Variants in PNPLA8 observed in about 807,000 individuals in gnomAD.
PNPLA8 encodes the protein patatin like domain 8, phospholipase A2, also known as calcium-independent phospholipase A2-gamma.
PNPLA8 carries 39 observed loss-of-function variants against 76.9 expected under a neutral mutation model. That is an observed-to-expected ratio of 0.51 (90% CI 0.39 to 0.66). The LOEUF is 0.66. Among genes scored for constraint, PNPLA8 ranks in the 30% least tolerant of loss-of-function variants. PNPLA8 has a pLI of 0.00. For synonymous variants in PNPLA8, 301 were observed against 307.9 expected, an observed-to-expected ratio of 0.98 and a Z score of 0.24; for missense variants, 887 against 918.0, an observed-to-expected ratio of 0.97 and a Z score of 0.44.
At chr7:108,494,739 T>G (rs1459540094) in intron 7 of PNPLA8, among the ~76,000 whole-genome samples, 1 of 152,184 alleles carries the variant, frequency 6.6e-6, no homozygotes, top group Non-Finnish European at 1.5e-5. Context: ...GTAGTAGGAT[T>G]GTAGAAAAGA....
At chr7:108,480,810 T>C (rs943712615) in intron 9 of PNPLA8, 8 of 310,996 alleles carry the variant, frequency 2.6e-5, no homozygotes, top group Non-Finnish European at 3.4e-5. Flanking sequence ...TGCATATAGA[T>C]TTGTGTAAAT....
upstream of PNPLA8, among the ~76,000 whole-genome samples, chr7:108,526,786 T>G (rs1864113599): frequency 2.0e-5 from 3 of 152,224 alleles, no homozygotes; most frequent in Admixed American, 2.0e-4. Context: ...TGGCATTTCA[T>G]ACGTACCACA....
chr7:108,523,526 C>A (rs180683694), intron 1 of PNPLA8, among the ~76,000 whole-genome samples: 4 of 151,574 alleles, frequency 2.6e-5, no homozygotes, highest in Non-Finnish European at 4.4e-5. Context: ...GATATCAAAG[C>A]ACCAAAATGT....
At chr7:108,481,708 A>G (rs1447726074) in intron 9 of PNPLA8, among the ~76,000 whole-genome samples, 1 of 152,190 alleles carries the variant, frequency 6.6e-6, no homozygotes, top group Admixed American at 6.5e-5. Context: ...ATCAATTTTT[A>G]AATTTCATGT....
chr7:108,526,204 G>C, upstream of PNPLA8: 1 of 590,890 alleles, frequency 1.7e-6, no homozygotes, highest in Non-Finnish European at 2.1e-6. Context: ...TGACGCGCTA[G>C]AAGTTTGGGT....
intron 2 of PNPLA8, among the ~76,000 whole-genome samples, chr7:108,517,730 A>G (rs566257324): frequency 6.6e-6 from 1 of 152,306 alleles, no homozygotes; most frequent in Non-Finnish European, 1.5e-5. Context: ...AAAATCCCAT[A>G]AACTGGGGAG....
intron 7 of PNPLA8, among the ~76,000 whole-genome samples, chr7:108,495,224 T>TA (rs1466157737): frequency 1.3e-5 from 2 of 152,324 alleles, no homozygotes; most frequent in East Asian, 3.9e-4. Context: ...TTACTTTACT[T>TA]AAAGATATAG....
rs1196258540 is a variant in PNPLA8, at chr7:108,508,667, A to G, written c.1206+5477T>C. On this transcript the variant is annotated intron_variant, in intron 4 of 10. Coordinates refer to ENST00000257694, the MANE Select transcript of PNPLA8 (RefSeq NM_001256007.3). ...CAATGACTTTCTTCACAGAATTGGA[A>G]AAAACTACTTTAAAGTTCATATGGA... Among the ~76,000 whole-genome samples, 5 of 145,238 alleles carry G rather than the reference A, an allele frequency of 3.4e-5. No individual in the cohort carries two copies. The South Asian group carries it at 6.8e-4, about 20-fold the overall frequency.
At chr7:108,525,708 G>A (rs559940794) in intron 1 of PNPLA8, among the ~76,000 whole-genome samples, 5 of 152,374 alleles carry the variant, frequency 3.3e-5, no homozygotes, top group African/African-American at 1.2e-4. Flanking sequence ...TCCAGGGGAA[G>A]GCAGACAGAC....
chr7:108,493,568 C>CTTTTTTTTTTTTTTTTTTTTT (rs34935118), intron 7 of PNPLA8, among the ~76,000 whole-genome samples: 1 of 81,212 alleles, frequency 1.2e-5, no homozygotes. Flanking sequence ...CCATGCCTGG[C>CTTTTTTTTTTTTTTTTTTTTT]TTTTTTTTTT....
intron 4 of PNPLA8, chr7:108,511,071 A>C (rs959007621): frequency 2.9e-6 from 2 of 696,786 alleles, no homozygotes; most frequent in Non-Finnish European, 4.7e-6. Flanking sequence ...AAAACTGGTA[A>C]CTAAATACAA....
intron 1 of PNPLA8, among the ~76,000 whole-genome samples, chr7:108,522,968 A>G (rs1863848516): frequency 6.6e-6 from 1 of 152,206 alleles, no homozygotes; most frequent in Non-Finnish European, 1.5e-5. Context: ...CCAAATCACA[A>G]CACTAGTAAA....
At chr7:108,497,113 G>A (rs906573142) in intron 6 of PNPLA8, among the ~76,000 whole-genome samples, 3 of 152,102 alleles carry the variant, frequency 2.0e-5, no homozygotes, top group South Asian at 2.1e-4. Context: ...GATAATTCAC[G>A]TTCTTTCTAA....
rs1275380054 is a variant in PNPLA8, at chr7:108,472,301, G to A, written c.*100C>T. On this transcript the variant is annotated 3_prime_UTR_variant, in exon 11 of 11. Transcript: ENST00000257694. ...TTTCAGGATTCTCCAGAATTCATAC[G>A]TATTTCAAAGTTAACTCATGTCGAA... 6.4e-6 allele frequency: 5 copies of A among 785,380 alleles called. No individual in the cohort carries two copies. The highest frequency in any genetic ancestry group is 1.8e-5 in the African/African-American group (1 of 56,770). 48.7% of individuals were successfully genotyped at this position (785,380 alleles called of 1,614,324 possible). A position where few individuals can be genotyped will look rare whatever the true frequency, so the allele number is the denominator to read the frequency against.
intron 4 of PNPLA8, chr7:108,502,859 T>C (rs1003869943): frequency 2.9e-6 from 1 of 347,518 alleles, no homozygotes; most frequent in Non-Finnish European, 5.1e-6. Flanking sequence ...AATTAACCAA[T>C]ATTCAAAAGT....
At chr7:108,512,284 T>C (rs1862991067) in intron 4 of PNPLA8, among the ~76,000 whole-genome samples, 2 of 152,220 alleles carry the variant, frequency 1.3e-5, no homozygotes, top group Admixed American at 6.5e-5. Flanking sequence ...ACAGTGGTAA[T>C]CTGAGGGTAA....
intron 5 of PNPLA8, among the ~76,000 whole-genome samples, chr7:108,498,823 G>C (rs779850692): frequency 1.3e-5 from 2 of 152,124 alleles, no homozygotes; most frequent in Non-Finnish European, 2.9e-5. Flanking sequence ...ATTTTTAACA[G>C]TGGGAGAATA....
chr7:108,505,349 TATA>T (rs1303631391), intron 4 of PNPLA8, among the ~76,000 whole-genome samples: 7 of 10,388 alleles, frequency 6.7e-4, no homozygotes, highest in East Asian at 2.6e-3. Flanking sequence ...TATATATATA[TATA>T]TTTTTTTTTT....
chr7:108,474,716 C>A (rs1220439471), intron 10 of PNPLA8, among the ~76,000 whole-genome samples: 1 of 152,130 alleles, frequency 6.6e-6, no homozygotes, highest in African/African-American at 2.4e-5. Context: ...ACCTTAGCAT[C>A]TTTGTAAAAA....
Sources: allele counts gnomAD v4.1 joint callset (sites outside exome capture counted in the v4.1 genomes callset), GRCh38; gene constraint gnomAD v4.1.1; transcripts MANE v1.5; gene names NCBI Gene and HGNC (gene_info 2026-07-23, HGNC 2026-07-21).